The following DHX8 variants were observed in gnomAD, a reference collection of about 807,000 sequenced individuals.
DHX8 encodes the protein DEAH-box helicase 8, also known as ATP-dependent RNA helicase DHX8.
A neutral mutation model predicts 140.7 loss-of-function variants in DHX8; 67 were observed. That is an observed-to-expected ratio of 0.48 (90% CI 0.39 to 0.58). The LOEUF (loss-of-function observed/expected upper bound fraction) is 0.58, where lower values mean the gene tolerates loss of function less well. Among genes scored for constraint, DHX8 ranks in the 20% least tolerant of loss-of-function variants. DHX8 has a pLI of 0.00. For missense variants in DHX8, 887 were observed against 1,550.7 expected (o/e 0.57, Z 7.19); for synonymous variants, 533 against 553.2 (o/e 0.96, Z 0.51).
At chr17:43,526,730 C>T (rs1567702551), downstream of DHX8, 1 of 1,407,704 alleles carries the variant, frequency 7.1e-7, no homozygotes, top group African/African-American at 1.4e-5. Context: ...CCGATTTTTA[C>T]ACCTTCTTCC....
downstream of DHX8, chr17:43,525,730 G>A (rs191397542): frequency 5.3e-4 from 524 of 983,966 alleles, 2 homozygotes; most frequent in African/African-American, 8.9e-3. Flanking sequence ...TCAGCCTCCT[G>A]AGTAGCTGGG....
At position 43,502,865 on chromosome 17, in the gene DHX8, C is replaced by T. The variant is rs1969275910; in HGVS notation, c.1547-1779C>T. 2.0e-5 allele frequency among the ~76,000 whole-genome samples: 3 copies of T among 152,306 alleles called. No individual in the cohort carries two copies. The Middle Eastern group carries it at 0.01, about 518-fold the overall frequency. Reference sequence around the variant, plus strand: ...TTCCTCAGAATAAACCCATTCATTCCCTTTTACCCTTTAGTGAAATGTTCT... The same window carrying T: ...TTCCTCAGAATAAACCCATTCATTCTCTTTTACCCTTTAGTGAAATGTTCT... On this transcript the variant is annotated intron_variant, in intron 11 of 22. Transcript: ENST00000262415.
intron 20 of DHX8, 118 bp downstream of exon 20, chr17:43,520,997 G>A: frequency 4.1e-6 from 4 of 982,990 alleles, no homozygotes; most frequent in Non-Finnish European, 5.6e-6. Flanking sequence ...TTGAGATGGA[G>A]TCTCACTCTG....
chr17:43,543,726 T>G (rs1391374436), intron 3 of DHX8, among the ~76,000 whole-genome samples: 1 of 152,202 alleles, frequency 6.6e-6, no homozygotes. Flanking sequence ...TCGGGGATGA[T>G]GCACACAATA....
chr17:43,533,134 G>A (rs1971038311), intron 2 of DHX8: 3 of 1,595,726 alleles, frequency 1.9e-6, no homozygotes, highest in Non-Finnish European at 2.6e-6. Flanking sequence ...AGAACACTCA[G>A]GAATTGAAAA....
chr17:43,507,153 GC>G lies in DHX8; in HGVS notation c.1881del (p.Arg629GlufsTer10). 5.0e-6 allele frequency: 8 copies of G among 1,614,008 alleles called. No individual in the cohort carries two copies. Among genetic ancestry groups the G allele is most frequent in the Non-Finnish European group, 6.8e-6 (8 of 1,179,974 alleles). The stretch of plus-strand genomic sequence containing the variant: ...CAGAAGAGTGGCAGCTATGTCGGTG[GC>G]CAAAAGAGTGTCAGAGGAGTTTGGT... ...QPRRVAAMSV[A>X]KRVSEEFGCC... On this transcript the variant is annotated frameshift_variant, in exon 13 of 23. Coordinates refer to ENST00000262415, the MANE Select transcript of DHX8 (RefSeq NM_004941.3). LOFTEE classifies it high-confidence loss of function.
At position 43,517,229 on chromosome 17, in the gene DHX8, G is replaced by A. The variant is rs553941001; in HGVS notation, c.2706G>A (p.Leu902=). The A allele has an allele frequency of 1.0e-4, 166 of 1,614,022 alleles. No individual in the cohort carries two copies. Among genetic ancestry groups the A allele is most frequent in the Non-Finnish European group, 1.3e-4 (158 of 1,180,042 alleles). ...CAGGCCCAGGGAAGTGTTACAGGTT[G>A]TACACAGAACGTGCCTACCGAGATG... ...GRTGPGKCYR[L]YTERAYRDEM... is the part of the protein sequence containing the mutation. Residue 902 remains leucine (L), a synonymous_variant, in exon 18 of 23, where the codon TTG becomes TTA. Coordinates refer to ENST00000262415, the MANE Select transcript of DHX8 (RefSeq NM_004941.3).
intron 2 of DHX8, chr17:43,533,044 G>A: frequency 1.3e-6 from 2 of 1,492,700 alleles, no homozygotes; most frequent in East Asian, 2.3e-5. Flanking sequence ...ATGGGGGGTA[G>A]GGGGTTGGGG....
chr17:43,537,845 T>C (rs1971324160), intron 3 of DHX8, among the ~76,000 whole-genome samples: 1 of 135,764 alleles, frequency 7.4e-6, no homozygotes, highest in Admixed American at 7.2e-5. Flanking sequence ...ATACAAAAAT[T>C]AGGCCGGGCG....
intron 1 of DHX8, among the ~76,000 whole-genome samples, chr17:43,487,356 T>C (rs568071647): frequency 1.3e-3 from 197 of 152,308 alleles, no homozygotes; most frequent in Middle Eastern, 3.4e-3. Flanking sequence ...ACTTTATGAG[T>C]TAGTCATCTA....
chr17:43,533,460 G>A (rs1031731140), intron 2 of DHX8: 8 of 1,047,336 alleles, frequency 7.6e-6, no homozygotes, highest in Non-Finnish European at 1.1e-5. Context: ...AGGAAGGATA[G>A]AGGGGGCTGA....
At chr17:43,521,586 T>G (rs1970378096) in intron 21 of DHX8, 21 bp downstream of exon 21, 7 of 1,599,382 alleles carry the variant, frequency 4.4e-6, no homozygotes, top group Non-Finnish European at 6.0e-6. Flanking sequence ...ATCTGATGAC[T>G]CTGCATGTTT....
intron 3 of DHX8, 137 bp from the exon 4 acceptor site, chr17:43,491,028 A>G (rs1364638177): frequency 2.4e-6 from 1 of 422,616 alleles, no homozygotes; most frequent in Admixed American, 4.0e-5. Flanking sequence ...AGTAACAGGT[A>G]TGATTAATAT....
chr17:43,486,000 C>T (rs1249544309), intron 1 of DHX8, among the ~76,000 whole-genome samples: 1 of 152,002 alleles, frequency 6.6e-6, no homozygotes, highest in African/African-American at 2.4e-5. Flanking sequence ...AGTTTGAGAC[C>T]AGCCTGGCCA....
At chr17:43,541,162 C>G (rs564483582) in intron 3 of DHX8, among the ~76,000 whole-genome samples, 2 of 152,160 alleles carry the variant, frequency 1.3e-5, no homozygotes, top group East Asian at 1.9e-4. Context: ...GAAATCTGTC[C>G]TAGCTCAGCC....
intron 12 of DHX8, among the ~76,000 whole-genome samples, chr17:43,505,184 C>T (rs1464686484): frequency 2.6e-5 from 4 of 151,816 alleles, no homozygotes; most frequent in East Asian, 1.9e-4. Flanking sequence ...CAAAGGTGGG[C>T]GGATCACAAG....
At chr17:43,526,418 C>A (rs1970619140), downstream of DHX8, 2 of 1,528,628 alleles carry the variant, frequency 1.3e-6, no homozygotes, top group African/African-American at 2.7e-5. Context: ...GTGAGCTCCG[C>A]AGCTGGGTCA....
intron 3 of DHX8, among the ~76,000 whole-genome samples, chr17:43,490,719 A>G (rs956053274): frequency 1.3e-5 from 2 of 152,092 alleles, no homozygotes; most frequent in Admixed American, 1.3e-4. Flanking sequence ...CAAAAAAATA[A>G]AAAAATTAGC....
chr17:43,533,771 C>A, intron 2 of DHX8: 1 of 1,516,346 alleles, frequency 6.6e-7, no homozygotes, highest in Non-Finnish European at 8.9e-7. Flanking sequence ...ACTTGCATCT[C>A]AGCTGCTGCC....
Sources: allele counts gnomAD v4.1 joint callset (sites outside exome capture counted in the v4.1 genomes callset), GRCh38; gene constraint gnomAD v4.1.1; transcripts MANE v1.5; gene names NCBI Gene and HGNC (gene_info 2026-07-23, HGNC 2026-07-21).